The following SNX12 variants were observed in gnomAD, a reference collection of about 807,000 sequenced individuals.
SNX12 encodes the protein sorting nexin 12, also known as sorting nexin-12.
For synonymous variants in SNX12, 47 were observed against 56.0 expected, an observed-to-expected ratio of 0.84 and a Z score of 0.71; for missense variants, 62 against 141.3, an observed-to-expected ratio of 0.44 and a Z score of 2.84.
rs2092126883 is a variant in SNX12 at position 71,060,415 on chromosome X, C to T, written c.*601G>A. ...ATGATGGGCCCAGAAAACCCACACACCCTGCTCCATACAACAGACTGCTTG... is the reference window on the plus strand; with the variant it reads ...ATGATGGGCCCAGAAAACCCACACATCCTGCTCCATACAACAGACTGCTTG... On this transcript the variant is annotated 3_prime_UTR_variant, in exon 4 of 4. Transcript: ENST00000374274. 1 of 111,560 alleles carries T rather than the reference C, an allele frequency of 9.0e-6. No individual in the cohort carries two copies. The highest frequency in any genetic ancestry group is 3.3e-5 in the African/African-American group (1 of 30,557). The allele number at this position is 111,560 out of a possible 1,213,427, so 9.2% of individuals were successfully genotyped here.
chrX:71,062,038 G>A (rs2092133358), intron 2 of SNX12, 71 bp from the exon 3 acceptor site: 2 of 1,017,330 alleles, frequency 2.0e-6, no homozygotes, highest in Non-Finnish European at 2.6e-6. Context: ...AAAGCACCGT[G>A]TACCTCATTT....
chrX:71,071,058 G>A (rs905780282), upstream of SNX12, among the ~76,000 whole-genome samples: 1 of 110,468 alleles, frequency 9.1e-6, no homozygotes, highest in African/African-American at 3.3e-5. Context: ...GTTTTTAAGA[G>A]CAAATAATTG....
At chrX:71,072,608 G>A (rs2092176726), upstream of SNX12, among the ~76,000 whole-genome samples, 1 of 111,462 alleles carries the variant, frequency 9.0e-6, no homozygotes, top group Non-Finnish European at 1.9e-5. Flanking sequence ...TGTAGCTAGA[G>A]AGCCATGCAT....
chrX:71,072,285 AAGG>A (rs1204667299), upstream of SNX12, among the ~76,000 whole-genome samples: 4 of 109,401 alleles, frequency 3.7e-5, no homozygotes, highest in Admixed American at 3.9e-4. Context: ...AAAGCTCGTG[AAGG>A]AGATCAGGAA....
upstream of SNX12, chrX:71,068,394 A>G (rs764492792): frequency 1.4e-4 from 111 of 814,559 alleles, no homozygotes; most frequent in Non-Finnish European, 1.8e-4. Flanking sequence ...CCGCTTGCAA[A>G]ATAACTAGCC....
At chrX:71,061,747 G>A (rs1194414406) in intron 3 of SNX12, 96 bp downstream of exon 3, 65 of 769,453 alleles carry the variant, frequency 8.4e-5, no homozygotes, top group Non-Finnish European at 1.2e-4. Context: ...AAATAAATAA[G>A]TAAATAAAAA....
rs182634479 is a variant in SNX12 at position 71,062,795 on chromosome X, C to T, written c.261+59G>A. ...GACTTTATAGACTGTGGTTGTATGCCCACTCAGCCTATGCAGAGCTCCTCC... is the reference window on the plus strand; with the variant it reads ...GACTTTATAGACTGTGGTTGTATGCTCACTCAGCCTATGCAGAGCTCCTCC... On this transcript the variant is annotated intron_variant, in intron 2 of 3. Transcript: ENST00000374274. 20 of 737,915 alleles carry T rather than the reference C, an allele frequency of 2.7e-5. No individual in the cohort carries two copies. In the Admixed American group the frequency reaches 3.3e-4, roughly 12 times the overall value. The allele number at this position is 737,915 out of a possible 1,213,427, so 60.8% of individuals were successfully genotyped here.
chrX:71,068,336 A>G, upstream of SNX12: 1 of 1,158,181 alleles, frequency 8.6e-7, no homozygotes, highest in South Asian at 1.9e-5. Flanking sequence ...GGACCGGGGA[A>G]AGGGGGTGGG....
At chrX:71,072,303 T>C (rs73548340), upstream of SNX12, among the ~76,000 whole-genome samples, 1,493 of 95,787 alleles carry the variant, frequency 0.016, 28 homozygotes, top group African/African-American at 0.055. Flanking sequence ...CAGGAAGGAG[T>C]GGTCAGAGAG....
At chrX:71,068,381 C>G (rs2092163004), upstream of SNX12, 1 of 907,079 alleles carries the variant, frequency 1.1e-6, no homozygotes, top group Non-Finnish European at 1.5e-6. Flanking sequence ...CGCACGGCCC[C>G]TCCCGCTTGC....
rs925404188 is a variant in SNX12 at position 71,060,712 on chromosome X, C to T, written c.*304G>A. ...CCTCACCAGCACAAGCGCCCCCCTCCCCCCAGGTTAGCCTTCTGGCATGGG... is the reference window on the plus strand; with the variant it reads ...CCTCACCAGCACAAGCGCCCCCCTCTCCCCAGGTTAGCCTTCTGGCATGGG... On this transcript the variant is annotated 3_prime_UTR_variant, in exon 4 of 4. Coordinates refer to ENST00000374274, the MANE Select transcript of SNX12 (RefSeq NM_013346.4). 20 of 281,272 alleles carry T rather than the reference C, an allele frequency of 7.1e-5. No individual in the cohort carries two copies. In the Admixed American group the frequency reaches 1.1e-3, roughly 16 times the overall value. 23.2% of individuals were successfully genotyped at this position (281,272 alleles called of 1,213,427 possible). A position where few individuals can be genotyped will look rare whatever the true frequency, so the allele number is the denominator to read the frequency against.
chrX:71,070,584 G>A (rs755447968), upstream of SNX12, among the ~76,000 whole-genome samples: 1 of 111,631 alleles, frequency 9.0e-6, no homozygotes, highest in Non-Finnish European at 1.9e-5. Flanking sequence ...GAACATCCAG[G>A]TGGAGATGTC....
At chrX:71,069,866 G>A (rs900538630), upstream of SNX12, among the ~76,000 whole-genome samples, 20 of 110,629 alleles carry the variant, frequency 1.8e-4, no homozygotes, top group African/African-American at 5.9e-4. Context: ...GCTTGAACCC[G>A]GGAGGCAGAG....
At chrX:71,068,348 G>A (rs747759475), upstream of SNX12, 3 of 1,105,113 alleles carry the variant, frequency 2.7e-6, no homozygotes, top group Admixed American at 5.1e-5. Flanking sequence ...GGGGGTGGGG[G>A]ACAGAGGCCT....
At chrX:71,066,814 A>G (rs1347468351) in intron 1 of SNX12, among the ~76,000 whole-genome samples, 3 of 110,674 alleles carry the variant, frequency 2.7e-5, no homozygotes, top group East Asian at 5.7e-4. Flanking sequence ...ATTCTCCCCC[A>G]AAGACATGAT....
At chrX:71,062,533 T>G (rs2092135980) in intron 2 of SNX12, among the ~76,000 whole-genome samples, 1 of 110,278 alleles carries the variant, frequency 9.1e-6, no homozygotes, top group Non-Finnish European at 1.9e-5. Context: ...CCACCACACC[T>G]GGCTGATTCT....
intron 3 of SNX12, among the ~76,000 whole-genome samples, chrX:71,061,550 T>C (rs1036170296): frequency 4.0e-4 from 45 of 111,550 alleles, no homozygotes; most frequent in Admixed American, 2.2e-3. Context: ...CTGGCCAACA[T>C]GGTGAAACCC....
intron 1 of SNX12, 106 bp downstream of exon 1, chrX:71,068,036 T>A: frequency 1.4e-6 from 1 of 713,778 alleles, no homozygotes; most frequent in Non-Finnish European, 2.0e-6. Flanking sequence ...AAATGACCCC[T>A]AAGGCGTCTT....
At chrX:71,067,338 A>T (rs1287817631) in intron 1 of SNX12, among the ~76,000 whole-genome samples, 1 of 111,968 alleles carries the variant, frequency 8.9e-6, no homozygotes, top group Non-Finnish European at 1.9e-5. Flanking sequence ...AAAGGGCAAA[A>T]AGCCATTCAT....
Sources: gnomAD v4.1 joint callset for allele counts (sites outside exome capture counted in the v4.1 genomes callset) on GRCh38, gnomAD v4.1.1 for gene constraint, MANE v1.5 for transcripts, NCBI Gene and HGNC (gene_info 2026-07-23, HGNC 2026-07-21) for gene names.